The following ZFAT variants were observed in gnomAD, a reference collection of about 807,000 sequenced individuals.
The protein encoded by ZFAT is zinc finger protein ZFAT.
In ZFAT, 64 loss-of-function variants were observed where a neutral mutation model predicts 117.7. That is an observed-to-expected ratio of 0.54 (90% CI 0.44 to 0.67). The LOEUF is 0.67. Ranked by LOEUF, ZFAT falls within the 30% of genes least tolerant of loss-of-function variation. The probability of loss-of-function intolerance (pLI) is 0.00; values close to 1 mark genes in which losing one functional copy is unlikely to be tolerated. For missense variants in ZFAT, 1,433 were observed against 1,584.5 expected, an observed-to-expected ratio of 0.90 and a Z score of 1.62; for synonymous variants, 679 against 615.0, an observed-to-expected ratio of 1.10 and a Z score of -1.54.
chr8:134,570,749 C>T (rs549626917), intron 10 of ZFAT, among the ~76,000 whole-genome samples: 17 of 152,262 alleles, frequency 1.1e-4, no homozygotes, highest in African/African-American at 3.6e-4. Context: ...AGTGATATGT[C>T]GTCATACCCA....
intron 1 of ZFAT, among the ~76,000 whole-genome samples, chr8:134,667,977 G>A (rs894767069): frequency 9.2e-5 from 14 of 152,122 alleles, no homozygotes; most frequent in East Asian, 1.9e-4. Flanking sequence ...GCATGGCTCC[G>A]TGGGTCCCAT....
rs557267349 is a variant in ZFAT, at chr8:134,645,209, A to T, written c.197-7497T>A. Among the ~76,000 whole-genome samples the T allele has an allele frequency of 3.0e-4, 46 of 152,330 alleles. No homozygotes were observed. The South Asian group carries it at 4.6e-3, about 15-fold the overall frequency. On this transcript the variant is annotated intron_variant, in intron 2 of 15. Coordinates refer to ENST00000377838, the MANE Select transcript of ZFAT (RefSeq NM_020863.4). ...GTTATAACGAGAGACCAAAATAATA[A>T]ATCAATTACTACTCAGTTAAAGGTT...
intron 3 of ZFAT, among the ~76,000 whole-genome samples, chr8:134,627,043 G>C (rs1263883233): frequency 6.6e-6 from 1 of 152,184 alleles, no homozygotes; most frequent in Non-Finnish European, 1.5e-5. Context: ...AAGACCAGTG[G>C]GGGCCAATGG....
the ZFAT span, among the ~76,000 whole-genome samples, chr8:134,748,579 T>C: frequency 6.6e-6 from 1 of 152,200 alleles, no homozygotes; most frequent in African/African-American, 2.4e-5. Flanking sequence ...CTTATCTTAG[T>C]GAATGTACGT....
At chr8:134,756,548 C>A in the ZFAT span, among the ~76,000 whole-genome samples, 1 of 152,218 alleles carries the variant, frequency 6.6e-6, no homozygotes, top group Non-Finnish European at 1.5e-5. Flanking sequence ...TGCTGTGGTG[C>A]TCCACCTCCA....
intron 3 of ZFAT, among the ~76,000 whole-genome samples, chr8:134,625,716 A>G (rs912818004): frequency 6.6e-6 from 1 of 152,272 alleles, no homozygotes; most frequent in Non-Finnish European, 1.5e-5. Context: ...AGTCTCACTC[A>G]GCCCTTGACT....
the ZFAT span, among the ~76,000 whole-genome samples, chr8:134,826,448 A>G: frequency 6.6e-6 from 1 of 152,262 alleles, no homozygotes; most frequent in Admixed American, 6.5e-5. Context: ...CCTCACATGT[A>G]AAATAAAAAC....
chr8:134,723,477 C>T, the ZFAT span: 1 of 152,498 alleles, frequency 6.6e-6, no homozygotes, highest in South Asian at 2.1e-4. Flanking sequence ...GAGGGAGTGC[C>T]CGCTGGAACC....
At position 134,600,343 on chromosome 8, in the gene ZFAT, A is replaced by G. The variant is rs750373722; in HGVS notation, c.2475+93T>C. ...GGATCTCTCTATGTTTTCAGGGCTG[A>G]CCTGCAGCAGAGACACCTACATATA... On this transcript the variant is annotated intron_variant, in intron 7 of 15. Transcript: ENST00000377838. 6.2e-6 allele frequency: 7 copies of G among 1,133,004 alleles called. No individual in the cohort carries two copies. In the East Asian group the frequency reaches 1.4e-4, roughly 23 times the overall value. 70.2% of individuals were successfully genotyped at this position (1,133,004 alleles called of 1,614,324 possible). A position where few individuals can be genotyped will look rare whatever the true frequency, so the allele number is the denominator to read the frequency against.
At chr8:134,581,796 G>C (rs1420637448) in intron 10 of ZFAT, among the ~76,000 whole-genome samples, 1 of 152,134 alleles carries the variant, frequency 6.6e-6, no homozygotes. Context: ...ATGTTTCCCA[G>C]GCTGGTCTCA....
Position 134,550,477 on chromosome 8 carries a change from G to A in ZFAT, c.2976+14856C>T, listed in dbSNP as rs77084820. Among the ~76,000 whole-genome samples the A allele has an allele frequency of 8.6e-3, 1,307 of 152,278 alleles. 15 individuals are homozygous for A. The highest frequency in any genetic ancestry group is 0.03 in the African/African-American group (1,229 of 41,558). On this transcript the variant is annotated intron_variant, in intron 11 of 15. Transcript: ENST00000377838. Reference sequence around the variant, plus strand: ...GTTTTAAAACCGTGGCATACCACAAGTTCAAAAATGGCTTGTGTTGAGGCA... The same window carrying A: ...GTTTTAAAACCGTGGCATACCACAAATTCAAAAATGGCTTGTGTTGAGGCA...
intron 11 of ZFAT, among the ~76,000 whole-genome samples, chr8:134,541,964 T>C (rs1257188084): frequency 6.6e-6 from 1 of 152,002 alleles, no homozygotes; most frequent in African/African-American, 2.4e-5. Flanking sequence ...CTACTGGAGG[T>C]CCTGAGTGTT....
intron 13 of ZFAT, among the ~76,000 whole-genome samples, chr8:134,514,029 T>A (rs960780411): frequency 6.6e-6 from 1 of 152,238 alleles, no homozygotes; most frequent in African/African-American, 2.4e-5. Context: ...AGGTTCCTCC[T>A]CATTCTGGGG....
At chr8:134,635,116 C>CT (rs1830127262) in intron 3 of ZFAT, among the ~76,000 whole-genome samples, 1 of 152,180 alleles carries the variant, frequency 6.6e-6, no homozygotes, top group Non-Finnish European at 1.5e-5. Context: ...AGCCTGGTTC[C>CT]TAACAGGCCA....
the ZFAT span, among the ~76,000 whole-genome samples, chr8:134,742,520 C>T: frequency 2.6e-5 from 4 of 152,186 alleles, no homozygotes; most frequent in African/African-American, 9.7e-5. Flanking sequence ...TAAAATGCTC[C>T]AAGTCACCCA....
At chr8:134,717,822 G>A (rs1814229264), upstream of ZFAT, among the ~76,000 whole-genome samples, 2 of 151,912 alleles carry the variant, frequency 1.3e-5, no homozygotes. Flanking sequence ...AGACTCTCAA[G>A]TAATTGGGAT....
chr8:134,685,593 C>T (rs1012543847), intron 1 of ZFAT, among the ~76,000 whole-genome samples: 3 of 152,218 alleles, frequency 2.0e-5, no homozygotes, highest in Non-Finnish European at 2.9e-5. Context: ...AAACCACATA[C>T]TTAATGAGCA....
Position 134,539,034 on chromosome 8 carries a change from C to T in ZFAT, c.2977-6062G>A, listed in dbSNP as rs1461490940. ...CACATTTTCATAGTTTGAGACTTTG[C>T]TGTTTTGGTTCTTTAAACAGAAAGA... is the stretch of plus-strand genomic sequence containing the variant. On this transcript the variant is annotated intron_variant, in intron 11 of 15. Coordinates refer to ENST00000377838, the MANE Select transcript of ZFAT (RefSeq NM_020863.4). Among the ~76,000 whole-genome samples the T allele has an allele frequency of 2.0e-5, 3 of 152,072 alleles. No individual in the cohort carries two copies. In the East Asian group the frequency reaches 5.8e-4, roughly 29 times the overall value.
the ZFAT span, among the ~76,000 whole-genome samples, chr8:134,760,604 C>T: frequency 6.6e-6 from 1 of 152,018 alleles, no homozygotes; most frequent in African/African-American, 2.4e-5. Flanking sequence ...TTCTCAAGTA[C>T]CCACAATGTG....
Sources: allele counts gnomAD v4.1 joint callset (sites outside exome capture counted in the v4.1 genomes callset), GRCh38; gene constraint gnomAD v4.1.1; transcripts MANE v1.5; gene names NCBI Gene and HGNC (gene_info 2026-07-23, HGNC 2026-07-21).